Variants in LRRC28 observed in about 807,000 individuals in gnomAD.
LRRC28 encodes the protein leucine rich repeat containing 28.
A neutral mutation model predicts 45.7 loss-of-function variants in LRRC28; 39 were observed. That is an observed-to-expected ratio of 0.85 (90% CI 0.66 to 1.12). The LOEUF (loss-of-function observed/expected upper bound fraction) is 1.12, where lower values mean the gene tolerates loss of function less well. Ranked by LOEUF, LRRC28 falls within the 50% of genes most tolerant of loss-of-function variation. LRRC28 has a pLI of 0.00. For synonymous variants in LRRC28, 206 were observed against 178.8 expected (o/e 1.15, Z -1.22); for missense variants, 435 against 438.5 (o/e 0.99, Z 0.07).
chr15:99,381,337 T>G (rs1433530824), intron 9 of LRRC28, among the ~76,000 whole-genome samples: 1 of 152,254 alleles, frequency 6.6e-6, no homozygotes, highest in Admixed American at 6.5e-5. Flanking sequence ...CTACTGAAGC[T>G]TGTGCATTTG....
chr15:99,312,455 G>A (rs574687391), intron 5 of LRRC28, among the ~76,000 whole-genome samples: 14 of 152,232 alleles, frequency 9.2e-5, no homozygotes, highest in Admixed American at 2.6e-4. Flanking sequence ...AGCTGTCATC[G>A]CCTATGATAA....
intron 5 of LRRC28, among the ~76,000 whole-genome samples, chr15:99,289,379 C>G (rs1019591408): frequency 1.3e-5 from 2 of 152,034 alleles, no homozygotes; most frequent in African/African-American, 4.8e-5. Flanking sequence ...TGAGTAAAAC[C>G]AACTCGAGAA....
At chr15:99,377,211 T>C (rs1341809322) in intron 9 of LRRC28, among the ~76,000 whole-genome samples, 1 of 151,626 alleles carries the variant, frequency 6.6e-6, no homozygotes, top group African/African-American at 2.4e-5. Flanking sequence ...GCACCTGTTG[T>C]TTCCTGACTT....
chr15:99,352,805 C>G (rs1296193403), intron 7 of LRRC28, among the ~76,000 whole-genome samples: 1 of 152,158 alleles, frequency 6.6e-6, no homozygotes, highest in Non-Finnish European at 1.5e-5. Context: ...ACCTACCACA[C>G]ATACCGTTAT....
chr15:99,312,894 G>A (rs559202595), intron 5 of LRRC28, among the ~76,000 whole-genome samples: 110 of 152,234 alleles, frequency 7.2e-4, no homozygotes, highest in African/African-American at 2.4e-3. Flanking sequence ...GACATGAGGC[G>A]TAATTTTAAA....
rs1958012727 is a variant in LRRC28 at position 99,386,939 on chromosome 15, GGA to G, written c.*840_*841del. On this transcript the variant is annotated 3_prime_UTR_variant, in exon 10 of 10. Coordinates refer to ENST00000301981, the MANE Select transcript of LRRC28 (RefSeq NM_144598.5). ...AAAGTTTCCATACAATGAGAAAGGG[GGA>G]GAAAACACACATTGAAATAAGACCT... The G allele has an allele frequency of 6.6e-6, 1 of 152,102 alleles. No homozygotes were observed. Among genetic ancestry groups the G allele is most frequent in the Non-Finnish European group, 1.5e-5 (1 of 68,024 alleles). 9.4% of individuals were successfully genotyped at this position (152,102 alleles called of 1,614,324 possible).
rs151305882 is a variant in LRRC28 at position 99,272,344 on chromosome 15, A to C, written c.169-4232A>C. Among the ~76,000 whole-genome samples, 654 of 152,258 alleles carry C rather than the reference A, an allele frequency of 4.3e-3. 3 individuals are homozygous for C. The highest frequency in any genetic ancestry group is 7.7e-3 in the Non-Finnish European group (524 of 68,020). On this transcript the variant is annotated intron_variant, in intron 2 of 9. Transcript: ENST00000301981. ...CTGTGGAAGGGGTGAGGTCTTTTGC[A>C]CTCAATCTTGTCAAGGCTTCCTCTT...
intron 5 of LRRC28, among the ~76,000 whole-genome samples, chr15:99,300,908 G>A (rs1048968232): frequency 1.3e-5 from 2 of 152,186 alleles, no homozygotes; most frequent in Admixed American, 1.3e-4. Context: ...GATTTCTGTG[G>A]TGCTATTCTT....
chr15:99,382,987 A>G (rs1169031300), intron 9 of LRRC28, among the ~76,000 whole-genome samples: 2 of 151,994 alleles, frequency 1.3e-5, no homozygotes, highest in East Asian at 3.8e-4. Context: ...GTATCATACA[A>G]TTTCACCCAT....
chr15:99,326,729 A>C (rs905530637), intron 5 of LRRC28: 10 of 152,194 alleles, frequency 6.6e-5, no homozygotes, highest in African/African-American at 2.4e-4. Flanking sequence ...ATGTACACTC[A>C]GAAACATCTC....
intron 7 of LRRC28, among the ~76,000 whole-genome samples, chr15:99,357,277 C>T (rs552761355): frequency 6.6e-6 from 1 of 152,158 alleles, no homozygotes; most frequent in Non-Finnish European, 1.5e-5. Context: ...AGGCCCAGCT[C>T]TGATCTTAAG....
At chr15:99,309,893 G>A (rs1354432251) in intron 5 of LRRC28, among the ~76,000 whole-genome samples, 1 of 152,188 alleles carries the variant, frequency 6.6e-6, no homozygotes, top group Non-Finnish European at 1.5e-5. Flanking sequence ...AAGAATTCCA[G>A]GCCAAAGAGA....
intron 8 of LRRC28, among the ~76,000 whole-genome samples, chr15:99,362,034 C>G (rs960311140): frequency 6.6e-6 from 1 of 152,160 alleles, no homozygotes; most frequent in Non-Finnish European, 1.5e-5. Flanking sequence ...GCAGTACTGT[C>G]GCAGCGTGCC....
intron 6 of LRRC28, among the ~76,000 whole-genome samples, chr15:99,342,674 T>G (rs2152305759): frequency 6.6e-6 from 1 of 152,304 alleles, no homozygotes; most frequent in African/African-American, 2.4e-5. Context: ...CTTGTGATCT[T>G]TTTGTTACCT....
intron 6 of LRRC28, among the ~76,000 whole-genome samples, chr15:99,344,142 A>G (rs1346738405): frequency 6.6e-6 from 1 of 152,248 alleles, no homozygotes; most frequent in Non-Finnish European, 1.5e-5. Flanking sequence ...AGCAAGAGGT[A>G]AAAGACTAAG....
At chr15:99,295,927 A>C (rs1048607476) in intron 5 of LRRC28, among the ~76,000 whole-genome samples, 6 of 152,186 alleles carry the variant, frequency 3.9e-5, no homozygotes, top group African/African-American at 1.4e-4. Context: ...GGTTTATTGG[A>C]ATGAAATTTA....
chr15:99,340,964 T>C (rs1956486017), intron 6 of LRRC28, among the ~76,000 whole-genome samples: 2 of 152,128 alleles, frequency 1.3e-5, no homozygotes, highest in African/African-American at 4.8e-5. Context: ...GGAATGCAAA[T>C]TTTGTCAAGG....
intron 9 of LRRC28, among the ~76,000 whole-genome samples, chr15:99,374,764 T>C (rs1401575543): frequency 1.3e-5 from 2 of 151,694 alleles, no homozygotes; most frequent in African/African-American, 4.8e-5. Context: ...GCCTCCTGGG[T>C]TCACACCATT....
chr15:99,390,403 CTT>C lies in LRRC28; in HGVS notation c.*4303_*4304del, dbSNP rs1273293675. ...ATTATTTCTGTATGTAATTAAGAGA[CTT>C]TCAAGGGTTAGCCAGACTTTTTTCC... is the stretch of plus-strand genomic sequence containing the variant. On this transcript the variant is annotated 3_prime_UTR_variant, in exon 10 of 10. Transcript: ENST00000301981. The C allele has an allele frequency of 7.3e-6, 1 of 137,494 alleles. No individual in the cohort carries two copies. The highest frequency in any genetic ancestry group is 3.3e-5 in the African/African-American group (1 of 30,694). The allele number at this position is 137,494 out of a possible 1,614,324, so 8.5% of individuals were successfully genotyped here.
Sources: gnomAD v4.1 joint callset for allele counts (sites outside exome capture counted in the v4.1 genomes callset) on GRCh38, gnomAD v4.1.1 for gene constraint, MANE v1.5 for transcripts, NCBI Gene and HGNC (gene_info 2026-07-23, HGNC 2026-07-21) for gene names.